ACTN1: variants seen among roughly 807,000 people sequenced by gnomAD.
ACTN1 encodes alpha-actinin-1.
In ACTN1, 30 loss-of-function variants were observed where a neutral mutation model predicts 119.6. The ratio of observed to expected loss-of-function variants is 0.25; its 90% CI spans 0.19 to 0.34. ACTN1 has a LOEUF of 0.34. ACTN1 is among the 10% of genes least tolerant of loss of function. The probability of loss-of-function intolerance (pLI) is 1.00; values close to 1 mark genes in which losing one functional copy is unlikely to be tolerated. For missense variants in ACTN1, 764 were observed against 1,223.4 expected (o/e 0.62, Z 5.60); for synonymous variants, 429 against 472.6 (o/e 0.91, Z 1.20).
Position 68,885,290 on chromosome 14 carries a change from A to T in ACTN1, c.1385+135T>A. 1 of 1,167,628 alleles carries T rather than the reference A, an allele frequency of 8.6e-7. No homozygotes were observed. The highest frequency in any genetic ancestry group is 1.2e-6 in the Non-Finnish European group (1 of 856,100). The allele number at this position is 1,167,628 out of a possible 1,614,324, so 72.3% of individuals were successfully genotyped here. ...GGAGAGATATTTGTCTCCTGCGTTG[A>T]CTCCCTCCCCACCTGGGCACCCACC... is the stretch of plus-strand genomic sequence containing the variant. On this transcript the variant is annotated intron_variant, in intron 12 of 21. Coordinates refer to ENST00000394419, the MANE Select transcript of ACTN1 (RefSeq NM_001130004.2). This position sits in a 1 kb window ranked among gnomAD's most constrained non-coding sequence, Gnocchi z 5.6.
In ACTN1 at chr14:68,881,955, T is replaced by TTTTTTTTTTTTTTTTTTTTTTTGA. The variant is rs58500225; in HGVS notation, c.1953+502_1953+503insTCAAAAAAAAAAAAAAAAAAAAAA. On this transcript the variant is annotated intron_variant, in intron 16 of 21. Coordinates refer to ENST00000394419, the MANE Select transcript of ACTN1 (RefSeq NM_001130004.2). Reference sequence around the variant, plus strand: ...CAGCTTCTTTTTTTTTTTTTTTTTTTGACAGAGTCTTGCTCTGTTGCCCAA... The same window carrying TTTTTTTTTTTTTTTTTTTTTTTGA: ...CAGCTTCTTTTTTTTTTTTTTTTTTTTTTTTTTTTTTTTTTTTTTTTTGAGACAGAGTCTTGCTCTGTTGCCCAA... Among the ~76,000 whole-genome samples the TTTTTTTTTTTTTTTTTTTTTTTGA allele has an allele frequency of 1.3e-4, 13 of 102,976 alleles. 1 individual carries two copies. The highest frequency in any genetic ancestry group is 3.2e-4 in the South Asian group (1 of 3,146). The allele number at this position is 102,976 out of a possible 152,430, so 67.6% of individuals were successfully genotyped here.
chr14:68,971,638 C>G (rs1000488772), intron 1 of ACTN1, among the ~76,000 whole-genome samples: 2 of 152,216 alleles, frequency 1.3e-5, no homozygotes, highest in Non-Finnish European at 2.9e-5. Flanking sequence ...AGGCTGTTGT[C>G]AACGTTAAAT....
rs543388314 is a variant in ACTN1 at position 68,891,950 on chromosome 14, C to T, written c.1086+103G>A. Reference sequence around the variant, plus strand: ...CAGTGTATGTAGGTAGAAGCAAACACGCCCATCCGCACCCCCATAAAGCTG... The same window carrying T: ...CAGTGTATGTAGGTAGAAGCAAACATGCCCATCCGCACCCCCATAAAGCTG... On this transcript the variant is annotated intron_variant, in intron 10 of 21. Coordinates refer to ENST00000394419, the MANE Select transcript of ACTN1 (RefSeq NM_001130004.2). 292 of 1,393,162 alleles carry T rather than the reference C, an allele frequency of 2.1e-4. 1 individual carries two copies. The African/African-American group carries it at 2.8e-3, about 13-fold the overall frequency. 86.3% of individuals were successfully genotyped at this position (1,393,162 alleles called of 1,614,324 possible). A position where few individuals can be genotyped will look rare whatever the true frequency, so the allele number is the denominator to read the frequency against.
chr14:68,885,590 G>A lies in ACTN1; in HGVS notation c.1235-15C>T. 1.2e-5 allele frequency: 19 copies of A among 1,610,612 alleles called. No individual in the cohort carries two copies. The highest frequency in any genetic ancestry group is 1.6e-5 in the Non-Finnish European group (19 of 1,179,718). On this transcript the variant is annotated splice_polypyrimidine_tract_variant and intron_variant, in intron 11 of 21. Coordinates refer to ENST00000394419, the MANE Select transcript of ACTN1 (RefSeq NM_001130004.2). This position sits in a 1 kb window ranked among gnomAD's most constrained non-coding sequence, Gnocchi z 5.6. ...GGCCTCTTTGCCTGGGTTGAGAGAGGGCCACATGGCTGAGCTGGAGTGAGA... is the reference window on the plus strand; with the variant it reads ...GGCCTCTTTGCCTGGGTTGAGAGAGAGCCACATGGCTGAGCTGGAGTGAGA...
intron 1 of ACTN1, among the ~76,000 whole-genome samples, chr14:68,958,681 T>G (rs2036431324): frequency 6.6e-6 from 1 of 152,126 alleles, no homozygotes; most frequent in Non-Finnish European, 1.5e-5. Context: ...AAAGGAATAT[T>G]TATAGAGGCA....
At chr14:68,940,093 C>T (rs1019470862) in intron 1 of ACTN1, among the ~76,000 whole-genome samples, 1 of 152,208 alleles carries the variant, frequency 6.6e-6, no homozygotes, top group Non-Finnish European at 1.5e-5. Flanking sequence ...CCCGGTCCTC[C>T]GGGGTTACAG....
intron 1 of ACTN1, among the ~76,000 whole-genome samples, chr14:68,941,020 C>G (rs2035746450): frequency 6.6e-6 from 1 of 152,176 alleles, no homozygotes; most frequent in African/African-American, 2.4e-5. Flanking sequence ...TGGTTCCGGT[C>G]ACCAGGCTGT....
chr14:68,898,930 G>A (rs1287242157), intron 8 of ACTN1, among the ~76,000 whole-genome samples: 3 of 145,176 alleles, frequency 2.1e-5, no homozygotes, highest in East Asian at 4.2e-4. Flanking sequence ...CCTCACACAT[G>A]CCACACCCAC....
chr14:68,925,290 G>A lies in ACTN1; in HGVS notation c.220+268C>T, dbSNP rs1248822173. ...GGCCACAGAATCCTGGCACTGGGGA[G>A]GAGAAGGAACCTCAGTTCCTTCAAA... On this transcript the variant is annotated intron_variant, in intron 2 of 21. Transcript: ENST00000394419. This position sits in a 1 kb window ranked among gnomAD's most constrained non-coding sequence, Gnocchi z 4.3. Among the ~76,000 whole-genome samples, 1 of 150,848 alleles carries A rather than the reference G, an allele frequency of 6.6e-6. No individual in the cohort carries two copies. Among genetic ancestry groups the A allele is most frequent in the Non-Finnish European group, 1.5e-5 (1 of 67,822 alleles).
At chr14:68,892,805 C>T (rs2032593378) in intron 9 of ACTN1, among the ~76,000 whole-genome samples, 1 of 152,056 alleles carries the variant, frequency 6.6e-6, no homozygotes, top group Non-Finnish European at 1.5e-5. Flanking sequence ...GGACTGTTTT[C>T]CTTGGGCCAA....
chr14:68,960,812 T>A (rs149149443), intron 1 of ACTN1, among the ~76,000 whole-genome samples: 1 of 151,112 alleles, frequency 6.6e-6, no homozygotes, highest in Admixed American at 6.6e-5. Flanking sequence ...GTGGCTCACA[T>A]TGGTAATCCT....
chr14:68,971,839 C>T (rs904129100), intron 1 of ACTN1, among the ~76,000 whole-genome samples: 4 of 152,212 alleles, frequency 2.6e-5, no homozygotes, highest in African/African-American at 9.6e-5. Context: ...GGAACAGCCT[C>T]CTCTGCAATG....
chr14:68,945,701 T>G (rs1180222627), intron 1 of ACTN1, among the ~76,000 whole-genome samples: 1 of 152,072 alleles, frequency 6.6e-6, no homozygotes, highest in Non-Finnish European at 1.5e-5. Flanking sequence ...CACACCCAGA[T>G]TTTCAGACCT....
intron 3 of ACTN1, among the ~76,000 whole-genome samples, chr14:68,919,964 G>C (rs975245496): frequency 6.6e-6 from 1 of 152,202 alleles, no homozygotes; most frequent in African/African-American, 2.4e-5. Context: ...ATTTCTAGAA[G>C]AGAGGGGACT....
Position 68,874,837 on chromosome 14 carries a change from G to C in ACTN1, c.*22C>G. ...CAAGGCAGGGCACGGCGCACAAGACGAGGGCGGCCGGGCGGGGTGGATTAG... is the reference window on the plus strand; with the variant it reads ...CAAGGCAGGGCACGGCGCACAAGACCAGGGCGGCCGGGCGGGGTGGATTAG... On this transcript the variant is annotated 3_prime_UTR_variant, in exon 22 of 22. Coordinates refer to ENST00000394419, the MANE Select transcript of ACTN1 (RefSeq NM_001130004.2). 1.3e-6 allele frequency: 2 copies of C among 1,549,310 alleles called. No homozygotes were observed. The highest frequency in any genetic ancestry group is 1.8e-6 in the Non-Finnish European group (2 of 1,141,096).
chr14:68,897,719 G>A (rs11158773), intron 8 of ACTN1, among the ~76,000 whole-genome samples: 21,942 of 152,204 alleles, frequency 0.14, 1,801 homozygotes, highest in African/African-American at 0.21. Context: ...CTTTCCCTCT[G>A]TCCGGAGTCA....
chr14:68,905,916 G>C (rs1239410791), intron 6 of ACTN1, among the ~76,000 whole-genome samples: 1 of 151,272 alleles, frequency 6.6e-6, no homozygotes, highest in Non-Finnish European at 1.5e-5. Flanking sequence ...CCGGGAGGCA[G>C]AGGTTGCAAT....
intron 1 of ACTN1, chr14:68,936,624 G>A (rs572178970): frequency 3.2e-5 from 19 of 596,818 alleles, no homozygotes; most frequent in South Asian, 1.7e-4. Flanking sequence ...CAAAAGCACC[G>A]AGAGTTCGTG....
rs532769704 is a variant in ACTN1 at position 68,925,282 on chromosome 14, A to G, written c.220+276T>C. On this transcript the variant is annotated intron_variant, in intron 2 of 21. Transcript: ENST00000394419. This position sits in a 1 kb window ranked among gnomAD's most constrained non-coding sequence, Gnocchi z 4.3. The stretch of plus-strand genomic sequence containing the variant: ...ACATTCTTGGCCACAGAATCCTGGC[A>G]CTGGGGAGGAGAAGGAACCTCAGTT... Among the ~76,000 whole-genome samples the G allele has an allele frequency of 1.9e-4, 28 of 150,506 alleles. No individual in the cohort carries two copies. In the East Asian group the frequency reaches 4.6e-3, roughly 25 times the overall value.
Sources: allele counts gnomAD v4.1 joint callset (sites outside exome capture counted in the v4.1 genomes callset), GRCh38; gene constraint gnomAD v4.1.1; non-coding constraint Gnocchi (gnomAD v3.1); transcripts MANE v1.5; gene names NCBI Gene and HGNC (gene_info 2026-07-23, HGNC 2026-07-21).